The following PLA2G4E variants were observed in gnomAD, a reference collection of about 807,000 sequenced individuals.
PLA2G4E encodes cytosolic phospholipase A2 epsilon.
A neutral mutation model predicts 109.1 loss-of-function variants in PLA2G4E; 84 were observed. That is an observed-to-expected ratio of 0.77 (90% CI 0.65 to 0.92). The LOEUF is 0.92. Ranked by LOEUF, PLA2G4E falls within the 40% of genes least tolerant of loss-of-function variation. The probability of loss-of-function intolerance (pLI) is 0.00; values close to 1 mark genes in which losing one functional copy is unlikely to be tolerated. For missense variants in PLA2G4E, 1,057 were observed against 1,076.6 expected (o/e 0.98, Z 0.25); for synonymous variants, 469 against 436.1 (o/e 1.08, Z -0.94).
intron 1 of PLA2G4E, among the ~76,000 whole-genome samples, chr15:42,014,989 G>T (rs1566844931): frequency 6.6e-6 from 1 of 152,032 alleles, no homozygotes; most frequent in Non-Finnish European, 1.5e-5. Context: ...TGCTCACGCG[G>T]TGCTGATGGC....
At chr15:42,021,652 G>A (rs1440733463) in intron 1 of PLA2G4E, among the ~76,000 whole-genome samples, 1 of 152,134 alleles carries the variant, frequency 6.6e-6, no homozygotes, top group Non-Finnish European at 1.5e-5. Flanking sequence ...GAGAGGGCGT[G>A]TCCAGCCCCT....
At chr15:41,984,340 G>C in intron 19 of PLA2G4E, 96 bp downstream of exon 19, 1 of 1,338,278 alleles carries the variant, frequency 7.5e-7, no homozygotes, top group Non-Finnish European at 1.0e-6. Flanking sequence ...GCTGAGCCAG[G>C]CTTCCCCGTT....
At chr15:42,041,295 C>T (rs951161891) in intron 1 of PLA2G4E, among the ~76,000 whole-genome samples, 1 of 149,726 alleles carries the variant, frequency 6.7e-6, no homozygotes, top group Non-Finnish European at 1.5e-5. Flanking sequence ...AGGGATAGGG[C>T]TTAGAAGTGG....
At chr15:41,986,422 C>A (rs956462689) in intron 17 of PLA2G4E, among the ~76,000 whole-genome samples, 1 of 152,146 alleles carries the variant, frequency 6.6e-6, no homozygotes, top group Non-Finnish European at 1.5e-5. Flanking sequence ...ACTGAGCTGA[C>A]GCTGCAGGAC....
At chr15:42,047,923 C>T (rs908712921) in intron 1 of PLA2G4E, among the ~76,000 whole-genome samples, 6 of 152,074 alleles carry the variant, frequency 3.9e-5, no homozygotes, top group African/African-American at 7.2e-5. Flanking sequence ...TAAAATGATA[C>T]GAAGTTTAGG....
At chr15:41,989,990 G>A in intron 14 of PLA2G4E, 131 bp downstream of exon 14, 1 of 750,952 alleles carries the variant, frequency 1.3e-6, no homozygotes, top group Non-Finnish European at 2.3e-6. Flanking sequence ...TTCTCCAGCT[G>A]TGTGCACAGT....
chr15:42,018,504 A>C (rs901470799), intron 1 of PLA2G4E, among the ~76,000 whole-genome samples: 5 of 152,096 alleles, frequency 3.3e-5, no homozygotes, highest in African/African-American at 1.2e-4. Flanking sequence ...TTCATCCTTC[A>C]TGAGGGCATT....
intron 1 of PLA2G4E, among the ~76,000 whole-genome samples, chr15:42,037,780 G>A (rs1289714531): frequency 3.9e-5 from 6 of 152,188 alleles, no homozygotes; most frequent in African/African-American, 2.4e-5. Context: ...AAGCTTCTGG[G>A]CACCACCACA....
chr15:42,041,889 G>C lies in PLA2G4E; in HGVS notation c.183+8632C>G, dbSNP rs147872080. 8.8e-4 allele frequency among the ~76,000 whole-genome samples: 134 copies of C among 152,290 alleles called. 1 individual carries two copies. Among genetic ancestry groups the C allele is most frequent in the African/African-American group, 3.1e-3 (127 of 41,546 alleles). On this transcript the variant is annotated intron_variant, in intron 1 of 19. Transcript: ENST00000399518. Reference sequence around the variant, plus strand: ...TGCATTCTTTAGCCTGGGCAAATCAGCAGAGAGGCTTTTGTAAAGTTTCAA... The same window carrying C: ...TGCATTCTTTAGCCTGGGCAAATCACCAGAGAGGCTTTTGTAAAGTTTCAA...
At chr15:42,013,397 G>T (rs981900643) in intron 2 of PLA2G4E, among the ~76,000 whole-genome samples, 1 of 152,180 alleles carries the variant, frequency 6.6e-6, no homozygotes, top group Non-Finnish European at 1.5e-5. Context: ...GACAGAGGGC[G>T]AACAGAGCTC....
intron 1 of PLA2G4E, among the ~76,000 whole-genome samples, chr15:42,036,929 C>T (rs1461187871): frequency 6.6e-6 from 1 of 152,190 alleles, no homozygotes; most frequent in Non-Finnish European, 1.5e-5. Context: ...TCCCCGCTGC[C>T]GGCGCCCACT....
In PLA2G4E at chr15:41,983,692, C is replaced by CT; in HGVS notation, c.*61dup. The CT allele has an allele frequency of 2.1e-6, 3 of 1,445,822 alleles. No individual in the cohort carries two copies. In the South Asian group the frequency reaches 3.7e-5, roughly 18 times the overall value. The allele number at this position is 1,445,822 out of a possible 1,614,324, so 89.6% of individuals were successfully genotyped here. A position where few individuals can be genotyped will look rare whatever the true frequency, so the allele number is the denominator to read the frequency against. On this transcript the variant is annotated 3_prime_UTR_variant, in exon 20 of 20. Coordinates refer to ENST00000399518, the Ensembl canonical transcript of PLA2G4E. Reference sequence around the variant, plus strand: ...TGGCTGCGTAGTAACCTGGTCAGCCCTGAGGGGTCCTGCACCTCTGATGGT... The same window carrying CT: ...TGGCTGCGTAGTAACCTGGTCAGCCCTTGAGGGGTCCTGCACCTCTGATGGT...
At chr15:42,017,016 G>T (rs1480474428) in intron 1 of PLA2G4E, among the ~76,000 whole-genome samples, 1 of 152,210 alleles carries the variant, frequency 6.6e-6, no homozygotes, top group African/African-American at 2.4e-5. Context: ...AGGAGGCAGG[G>T]TCAACTTTCA....
At position 42,004,354 on chromosome 15, in the gene PLA2G4E, G is replaced by A. The variant is rs541071299; in HGVS notation, c.566+584C>T. ...GGAAAGAAAGGGAAAGAAAGAGAGA[G>A]GGAGAGAGGGAGAAAGGGAGAAAAA... On this transcript the variant is annotated intron_variant, in intron 5 of 19. Coordinates refer to ENST00000399518, the Ensembl canonical transcript of PLA2G4E. Among the ~76,000 whole-genome samples, 8 of 151,246 alleles carry A rather than the reference G, an allele frequency of 5.3e-5. No individual in the cohort carries two copies. In the East Asian group the frequency reaches 1.6e-3, roughly 29 times the overall value.
chr15:42,042,275 A>G (rs1338969584), intron 1 of PLA2G4E, among the ~76,000 whole-genome samples: 1 of 152,228 alleles, frequency 6.6e-6, no homozygotes, highest in East Asian at 1.9e-4. Flanking sequence ...ACGTATATAT[A>G]AAGAAAATTT....
intron 1 of PLA2G4E, among the ~76,000 whole-genome samples, chr15:42,014,599 G>A (rs1029962274): frequency 2.0e-5 from 3 of 152,186 alleles, no homozygotes; most frequent in African/African-American, 4.8e-5. Context: ...TCTACTCACT[G>A]GGAGACCATG....
intron 2 of PLA2G4E, among the ~76,000 whole-genome samples, chr15:42,011,688 C>G (rs1367375331): frequency 6.6e-6 from 1 of 151,882 alleles, no homozygotes; most frequent in Non-Finnish European, 1.5e-5. Flanking sequence ...TGAGATTGAG[C>G]CACTGCACTC....
intron 1 of PLA2G4E, among the ~76,000 whole-genome samples, chr15:42,023,739 C>G (rs1039166677): frequency 7.9e-5 from 12 of 152,152 alleles, no homozygotes; most frequent in Admixed American, 7.9e-4. Context: ...TCAAGGCCTC[C>G]TATTTGGCCT....
At chr15:41,993,042 C>T in intron 12 of PLA2G4E, 83 bp from the exon 13 acceptor site, 2 of 1,296,940 alleles carry the variant, frequency 1.5e-6, no homozygotes, top group African/African-American at 3.0e-5. Flanking sequence ...GGAAGGTGGG[C>T]AGGCCATTGA....
Sources: allele counts gnomAD v4.1 joint callset (sites outside exome capture counted in the v4.1 genomes callset), GRCh38; gene constraint gnomAD v4.1.1; transcripts MANE v1.5; gene names NCBI Gene and HGNC (gene_info 2026-07-23, HGNC 2026-07-21).